Variants in GOLGA4 observed in about 807,000 individuals in gnomAD.
GOLGA4 encodes golgin A4, also known as golgin subfamily A member 4.
Under a neutral mutation model 265.9 loss-of-function variants are expected in GOLGA4, and 169 were observed. The observed-to-expected ratio is 0.64, with a 90% confidence interval of 0.56 to 0.72. GOLGA4 has a LOEUF of 0.72. Ranked by LOEUF, GOLGA4 falls within the 30% of genes least tolerant of loss-of-function variation. The pLI is 0.00. For synonymous variants in GOLGA4, 923 were observed against 855.8 expected (o/e 1.08, Z -1.37); for missense variants, 2,482 against 2,483.4 (o/e 1.00, Z 0.01).
intron 2 of GOLGA4, among the ~76,000 whole-genome samples, chr3:37,252,819 T>G (rs1247191863): frequency 2.6e-5 from 4 of 152,216 alleles, no homozygotes; most frequent in Non-Finnish European, 4.4e-5. Flanking sequence ...GGATTATCTT[T>G]TTTTAAAACT....
chr3:37,323,848 A>T lies in GOLGA4; in HGVS notation c.1962A>T (p.Glu654Asp), dbSNP rs762934791. The stretch of plus-strand genomic sequence containing the variant: ...GGGAAAAGTGTGAACAAGAAAAAGA[A>T]ACATTGTTGAAAGACAAAGAGATTA... Reference protein sequence around the residue: ...KLREKCEQEKETLLKDKEIIF... With the variant: ...KLREKCEQEKDTLLKDKEIIF... Residue 654 changes from glutamate to aspartate, a missense_variant, in exon 14 of 24, where the codon GAA becomes GAT. Glu to Asp is a conservative substitution (Grantham distance 45). This residue lies in a region of GOLGA4 where 1,536 missense variants were observed against 1,483.7 expected (regional missense o/e 1.04). Transcript: ENST00000361924. 1.2e-6 allele frequency: 2 copies of T among 1,610,568 alleles called. No homozygotes were observed. Among genetic ancestry groups the T allele is most frequent in the Non-Finnish European group, 1.7e-6 (2 of 1,179,294 alleles).
chr3:37,282,145 C>T lies in GOLGA4; in HGVS notation c.350C>T (p.Pro117Leu). ...AGTTCTACTGCCAGTTTTGATCCAC[C>T]CTCTGATATGGATAGCGAGGCTGAA... is the stretch of plus-strand genomic sequence containing the variant. ...LDSSTASFDPPSDMDSEAEDL... is the reference protein window; with the variant it reads ...LDSSTASFDPLSDMDSEAEDL... Residue 117 changes from proline (P) to leucine (L), a missense_variant, in exon 3 of 24, where the codon CCC (proline) becomes CTC (leucine). Physicochemically the swap from Pro to Leu is moderately conservative, Grantham distance 98. Transcript: ENST00000361924. 5 of 1,614,084 alleles carry T rather than the reference C, an allele frequency of 3.1e-6. No individual in the cohort carries two copies. The highest frequency in any genetic ancestry group is 3.4e-6 in the Non-Finnish European group (4 of 1,179,926).
intron 5 of GOLGA4, among the ~76,000 whole-genome samples, chr3:37,293,076 T>G (rs538972584): frequency 7.2e-5 from 11 of 152,348 alleles, no homozygotes; most frequent in Non-Finnish European, 1.5e-4. Flanking sequence ...CTTATAATTC[T>G]TTGAAAATAT....
At chr3:37,281,339 A>T (rs1395707834) in intron 2 of GOLGA4, among the ~76,000 whole-genome samples, 1 of 152,178 alleles carries the variant, frequency 6.6e-6, no homozygotes, top group African/African-American at 2.4e-5. Flanking sequence ...ACAAATGGTA[A>T]GTAGAGCAGA....
chr3:37,314,125 C>T lies in GOLGA4; in HGVS notation c.1235-1295C>T, dbSNP rs112625296. 3.4e-3 allele frequency among the ~76,000 whole-genome samples: 517 copies of T among 152,054 alleles called. 4 individuals carry two copies. The highest frequency in any genetic ancestry group is 0.012 in the African/African-American group (504 of 41,494). ...CTGGGATTACAGGCATGTGCTACCA[C>T]ACCAGGCTAATTTTTAGTAGAGATG... On this transcript the variant is annotated intron_variant, in intron 10 of 23. Transcript: ENST00000361924.
chr3:37,327,418 G>T lies in GOLGA4; in HGVS notation c.5532G>T (p.Glu1844Asp). ...VFDDVQKTLQ[E>D]KELTCQILEQ... ...ACGACGTCCAGAAAACCCTCCAGGA[G>T]AAGGAACTAACCTGTCAGATTTTGG... Residue 1844 changes from glutamate (E) to aspartate (D), a missense_variant, in exon 14 of 24, where the codon GAG becomes GAT. By Grantham distance (45) the Glu-to-Asp change is conservative. Coordinates refer to ENST00000361924, the MANE Select transcript of GOLGA4 (RefSeq NM_002078.5). 1 of 1,613,972 alleles carries T rather than the reference G, an allele frequency of 6.2e-7. No homozygotes were observed. Among genetic ancestry groups the T allele is most frequent in the South Asian group, 1.1e-5 (1 of 91,048 alleles).
Position 37,249,075 on chromosome 3 carries a change from A to G in GOLGA4, c.73-2320A>G, listed in dbSNP as rs186009619. On this transcript the variant is annotated intron_variant, in intron 1 of 23. Transcript: ENST00000361924. ...TAATCATTTATAAATACATAGATAC[A>G]AAAGGCTGCCCCCATAGTGGCAGCC... is the stretch of plus-strand genomic sequence containing the variant. Among the ~76,000 whole-genome samples, 992 of 152,314 alleles carry G rather than the reference A, an allele frequency of 6.5e-3. 13 individuals carry two copies. Among genetic ancestry groups the G allele is most frequent in the African/African-American group, 0.023 (939 of 41,574 alleles).
chr3:37,365,617 G>A (rs191716773), intron 23 of GOLGA4, among the ~76,000 whole-genome samples: 6 of 152,166 alleles, frequency 3.9e-5, no homozygotes, highest in Admixed American at 1.3e-4. Flanking sequence ...CCAAGTCAGC[G>A]TGTTTACTCC....
chr3:37,303,484 G>A (rs985604295), intron 10 of GOLGA4, among the ~76,000 whole-genome samples: 17 of 152,208 alleles, frequency 1.1e-4, no homozygotes, highest in Non-Finnish European at 2.1e-4. Flanking sequence ...TTAATGAATA[G>A]TAGTGTGGAA....
intron 2 of GOLGA4, among the ~76,000 whole-genome samples, chr3:37,253,391 T>G (rs568599168): frequency 1.2e-3 from 169 of 138,066 alleles, no homozygotes; most frequent in Non-Finnish European, 2.2e-3. Flanking sequence ...ACCAAAAACT[T>G]AATTATATAA....
chr3:37,291,849 T>C (rs1371373841), intron 5 of GOLGA4, among the ~76,000 whole-genome samples: 1 of 152,210 alleles, frequency 6.6e-6, no homozygotes, highest in Non-Finnish European at 1.5e-5. Flanking sequence ...GAAATATTAA[T>C]ACTTATCAGA....
intron 10 of GOLGA4, among the ~76,000 whole-genome samples, chr3:37,311,891 G>C (rs1327333600): frequency 6.6e-6 from 1 of 152,098 alleles, no homozygotes; most frequent in South Asian, 2.1e-4. Flanking sequence ...ATCTAAACAG[G>C]AACTTGTGGC....
chr3:37,291,458 T>G (rs912579375), intron 5 of GOLGA4, among the ~76,000 whole-genome samples: 1 of 152,172 alleles, frequency 6.6e-6, no homozygotes, highest in Non-Finnish European at 1.5e-5. Flanking sequence ...ATTTAAATTA[T>G]AGAACCAGCA....
chr3:37,256,143 A>G (rs2096748094), intron 2 of GOLGA4, among the ~76,000 whole-genome samples: 1 of 152,038 alleles, frequency 6.6e-6, no homozygotes, highest in African/African-American at 2.4e-5. Context: ...CTACTGTTCT[A>G]CATTTTTTCA....
intron 20 of GOLGA4, 91 bp from the exon 21 acceptor site, chr3:37,347,102 C>T: frequency 1.4e-6 from 1 of 715,908 alleles, no homozygotes. Flanking sequence ...TCTCTTTGTT[C>T]CATTGGTTGT....
At position 37,327,802 on chromosome 3, in the gene GOLGA4, T is replaced by G; in HGVS notation, c.5916T>G (p.Asp1972Glu). ...TGGAAATACTAAAGAAAGAATATGA[T>G]CAAGAAAGGGAAGAGAAAATCAAGT... Reference protein sequence around the residue: ...QELEILKKEYDQEREEKIKQE... With the variant: ...QELEILKKEYEQEREEKIKQE... Residue 1972 changes from aspartate to glutamate, a missense_variant, in exon 14 of 24, where the codon GAT (aspartate) becomes GAG (glutamate). By Grantham distance (45) the Asp-to-Glu change is conservative. Around this residue, in one of 3 missense-constraint regions of GOLGA4, gnomAD observed 942 missense variants for 983.1 expected, o/e 0.96. Coordinates refer to ENST00000361924, the MANE Select transcript of GOLGA4 (RefSeq NM_002078.5). 6.2e-7 allele frequency: 1 copy of G among 1,606,484 alleles called. No individual in the cohort carries two copies. The highest frequency in any genetic ancestry group is 1.7e-5 in the Admixed American group (1 of 59,274).
chr3:37,292,073 G>A (rs2096866054), intron 5 of GOLGA4, among the ~76,000 whole-genome samples: 2 of 152,234 alleles, frequency 1.3e-5, no homozygotes, highest in South Asian at 4.1e-4. Context: ...ATTAAAAGAT[G>A]CTCCCTTGTA....
At chr3:37,365,815 T>C (rs1012064364) in intron 23 of GOLGA4, among the ~76,000 whole-genome samples, 6 of 151,346 alleles carry the variant, frequency 4.0e-5, no homozygotes, top group Admixed American at 1.3e-4. Flanking sequence ...TTTTTTTTTT[T>C]CAGAATGGGG....
intron 19 of GOLGA4, 69 bp from the exon 20 acceptor site, chr3:37,340,054 GC>G: frequency 1.5e-6 from 1 of 676,900 alleles, no homozygotes; most frequent in Non-Finnish European, 2.6e-6. Flanking sequence ...TGTGGTGACA[GC>G]AATCTTTCTT....
Sources: allele counts gnomAD v4.1 joint callset (sites outside exome capture counted in the v4.1 genomes callset), GRCh38; gene constraint gnomAD v4.1.1; regional missense constraint gnomAD v4.1.1; transcripts MANE v1.5; gene names NCBI Gene and HGNC (gene_info 2026-07-23, HGNC 2026-07-21).